Variants in TCP11L1 observed in about 807,000 individuals in gnomAD.
TCP11L1 encodes the protein t-complex 11 like 1.
A neutral mutation model predicts 48.9 loss-of-function variants in TCP11L1; 28 were observed. The ratio of observed to expected loss-of-function variants is 0.57; its 90% CI spans 0.42 to 0.78. The LOEUF is 0.78. Ranked by LOEUF, TCP11L1 falls within the 30% of genes least tolerant of loss-of-function variation. The pLI is 0.00. For synonymous variants in TCP11L1, 204 were observed against 231.9 expected, an observed-to-expected ratio of 0.88 and a Z score of 1.09; for missense variants, 505 against 613.4, an observed-to-expected ratio of 0.82 and a Z score of 1.87.
intron 6 of TCP11L1, among the ~76,000 whole-genome samples, chr11:33,059,316 A>G (rs1176038983): frequency 1.3e-5 from 2 of 152,240 alleles, no homozygotes; most frequent in South Asian, 2.1e-4. Flanking sequence ...TGAGTAGGCT[A>G]TGAGAATAGA....
At chr11:33,071,788 C>T (rs955224603) in intron 9 of TCP11L1, among the ~76,000 whole-genome samples, 4 of 152,144 alleles carry the variant, frequency 2.6e-5, no homozygotes, top group Non-Finnish European at 4.4e-5. Flanking sequence ...TGTTGCTCCT[C>T]GGAGAGCAGA....
chr11:33,057,634 T>C (rs1164346163), intron 4 of TCP11L1, among the ~76,000 whole-genome samples: 1 of 152,224 alleles, frequency 6.6e-6, no homozygotes, highest in Non-Finnish European at 1.5e-5. Context: ...TCATCAGCTA[T>C]GGTTGGCTCA....
chr11:33,042,047 C>A (rs1201599172), intron 1 of TCP11L1, among the ~76,000 whole-genome samples: 1 of 152,318 alleles, frequency 6.6e-6, no homozygotes, highest in East Asian at 1.9e-4. Context: ...AACATTGTGT[C>A]TTCTCTCCCA....
chr11:33,047,371 A>G (rs1854029393), intron 2 of TCP11L1, among the ~76,000 whole-genome samples: 1 of 152,242 alleles, frequency 6.6e-6, no homozygotes, highest in South Asian at 2.1e-4. Flanking sequence ...GGATCAGTCA[A>G]CTGTAACTTA....
chr11:33,048,174 G>A (rs1257574976), intron 2 of TCP11L1, among the ~76,000 whole-genome samples: 2 of 144,842 alleles, frequency 1.4e-5, no homozygotes, highest in African/African-American at 5.2e-5. Flanking sequence ...TAAGTTACAT[G>A]TATCTTTACA....
At chr11:33,061,853 G>A in intron 7 of TCP11L1, 127 bp downstream of exon 7, 1 of 959,340 alleles carries the variant, frequency 1.0e-6, no homozygotes, top group Non-Finnish European at 1.4e-6. Flanking sequence ...GGCAGAGGCA[G>A]GCAGATTGCT....
At chr11:33,057,281 T>A (rs754842657) in intron 4 of TCP11L1, 46 bp downstream of exon 4, 1 of 1,608,888 alleles carries the variant, frequency 6.2e-7, no homozygotes, top group South Asian at 1.1e-5. Flanking sequence ...GTGTTAGGAG[T>A]GTTTATTCAA....
intron 6 of TCP11L1, 152 bp from the exon 7 acceptor site, chr11:33,061,378 G>C (rs1321853030): frequency 4.0e-6 from 3 of 749,138 alleles, no homozygotes; most frequent in Non-Finnish European, 5.9e-6. Flanking sequence ...TTAGTCATTG[G>C]CACTACTATG....
intron 8 of TCP11L1, among the ~76,000 whole-genome samples, chr11:33,066,463 G>C (rs1011805038): frequency 6.6e-6 from 1 of 152,128 alleles, no homozygotes; most frequent in African/African-American, 2.4e-5. Flanking sequence ...GGCTCGGGCT[G>C]GGGGGTAAGC....
chr11:33,072,431 G>A lies in TCP11L1; in HGVS notation c.1328-43G>A, dbSNP rs764058691. On this transcript the variant is annotated intron_variant, in intron 9 of 9. Transcript: ENST00000334274. ...ACTGAAGCACAGTAAGGTTTGTAAGGTGAAGGACAAGAAACAACTGACCAC... is the reference window on the plus strand; with the variant it reads ...ACTGAAGCACAGTAAGGTTTGTAAGATGAAGGACAAGAAACAACTGACCAC... The A allele has an allele frequency of 5.0e-6, 8 of 1,606,426 alleles. No individual in the cohort carries two copies. The Admixed American group carries it at 6.7e-5, about 13-fold the overall frequency.
At chr11:33,040,822 C>T (rs1013041443) in intron 1 of TCP11L1, 1 of 151,982 alleles carries the variant, frequency 6.6e-6, no homozygotes, top group Admixed American at 6.6e-5. Context: ...AAATCCTACT[C>T]CTTTTAAAGA....
chr11:33,068,565 A>C lies in TCP11L1; in HGVS notation c.1155-122A>C, dbSNP rs1453672285. ...TAAGGTGGCAGGGAAAAGAGTCTCAAATTGTCCCTTGAACACACAAATCCA... is the reference window on the plus strand; with the variant it reads ...TAAGGTGGCAGGGAAAAGAGTCTCACATTGTCCCTTGAACACACAAATCCA... On this transcript the variant is annotated intron_variant, in intron 8 of 9. Coordinates refer to ENST00000334274, the MANE Select transcript of TCP11L1 (RefSeq NM_018393.4). 5 of 1,252,070 alleles carry C rather than the reference A, an allele frequency of 4.0e-6. No homozygotes were observed. In the Admixed American group the frequency reaches 5.9e-5, roughly 15 times the overall value. The allele number at this position is 1,252,070 out of a possible 1,614,324, so 77.6% of individuals were successfully genotyped here. A position where few individuals can be genotyped will look rare whatever the true frequency, so the allele number is the denominator to read the frequency against.
chr11:33,061,861 G>A (rs1295034504), intron 7 of TCP11L1, 135 bp downstream of exon 7: 29 of 888,416 alleles, frequency 3.3e-5, no homozygotes, highest in Non-Finnish European at 4.4e-5. Context: ...CAGGCAGATT[G>A]CTTGAGGTCA....
chr11:33,063,822 T>C (rs1464600369), intron 7 of TCP11L1, among the ~76,000 whole-genome samples: 1 of 152,222 alleles, frequency 6.6e-6, no homozygotes, highest in Non-Finnish European at 1.5e-5. Context: ...GTTTCACCTC[T>C]TGCCTCTGAG....
At chr11:33,054,753 T>G (rs779733803) in intron 3 of TCP11L1, 28 bp downstream of exon 3, 1 of 1,599,904 alleles carries the variant, frequency 6.3e-7, no homozygotes, top group African/African-American at 1.3e-5. Context: ...TTATCTTGCT[T>G]AGTAGAACAC....
At chr11:33,057,397 T>TA (rs551595390) in intron 4 of TCP11L1, among the ~76,000 whole-genome samples, 162 bp downstream of exon 4, 22 of 152,178 alleles carry the variant, frequency 1.4e-4, no homozygotes, top group South Asian at 4.2e-4. Context: ...TGCCCTTTTT[T>TA]AAAAAAAAGT....
At chr11:33,043,983 A>C in intron 2 of TCP11L1, 47 bp downstream of exon 2, 4 of 1,531,222 alleles carry the variant, frequency 2.6e-6, no homozygotes, top group Non-Finnish European at 2.6e-6. Context: ...CATTGTTTTC[A>C]GGTGACGGTT....
intron 6 of TCP11L1, among the ~76,000 whole-genome samples, chr11:33,060,792 C>A (rs1180481656): frequency 6.6e-6 from 1 of 152,134 alleles, no homozygotes; most frequent in Admixed American, 6.5e-5. Context: ...ATACTTTACA[C>A]AGGGAAACTC....
intron 8 of TCP11L1, among the ~76,000 whole-genome samples, chr11:33,068,410 G>C (rs538884815): frequency 3.1e-4 from 47 of 151,990 alleles, no homozygotes; most frequent in Admixed American, 3.1e-3. Context: ...TTATCACACA[G>C]AGGCTAGCAG....
Sources: allele counts gnomAD v4.1 joint callset (sites outside exome capture counted in the v4.1 genomes callset), GRCh38; gene constraint gnomAD v4.1.1; transcripts MANE v1.5; gene names NCBI Gene and HGNC (gene_info 2026-07-23, HGNC 2026-07-21).